The following LAMP5 variants were observed in gnomAD, a reference collection of about 807,000 sequenced individuals.
LAMP5 encodes lysosome associated membrane protein 5, also known as lysosome-associated membrane glycoprotein 5.
A neutral mutation model predicts 30.2 loss-of-function variants in LAMP5; 36 were observed. That is an observed-to-expected ratio of 1.19 (90% CI 0.91 to 1.57). The LOEUF (loss-of-function observed/expected upper bound fraction) is 1.57. Ranked by LOEUF, LAMP5 falls within the 40% of genes most tolerant of loss-of-function variation. LAMP5 has a pLI of 0.00. For synonymous variants in LAMP5, 149 were observed against 134.6 expected (o/e 1.11, Z -0.74); for missense variants, 377 against 354.9 (o/e 1.06, Z -0.50).
chr20:9,515,897 G>A, intron 2 of LAMP5, 103 bp from the exon 3 acceptor site: 2 of 1,325,968 alleles, frequency 1.5e-6, no homozygotes, highest in African/African-American at 1.5e-5. Flanking sequence ...CGCGCGCAAA[G>A]GAGCGCCCAA....
intron 5 of LAMP5, among the ~76,000 whole-genome samples, chr20:9,523,441 A>G (rs1328296494): frequency 2.0e-5 from 3 of 152,140 alleles, no homozygotes; most frequent in Non-Finnish European, 4.4e-5. Context: ...TATCTCAGGG[A>G]GTCAATATAA....
intron 5 of LAMP5, among the ~76,000 whole-genome samples, chr20:9,519,171 C>T (rs2045063245): frequency 6.6e-6 from 1 of 152,186 alleles, no homozygotes; most frequent in South Asian, 2.1e-4. Flanking sequence ...CTCTCTCCCT[C>T]ACAAAGGAGG....
intron 5 of LAMP5, among the ~76,000 whole-genome samples, chr20:9,525,212 C>CT (rs1195076345): frequency 6.6e-6 from 1 of 152,064 alleles, no homozygotes; most frequent in African/African-American, 2.4e-5. Flanking sequence ...GTGAGACATT[C>CT]TTTTTTATTA....
At chr20:9,526,860 GTATATATATATATATATA>G (rs201564418) in intron 5 of LAMP5, among the ~76,000 whole-genome samples, 1,263 of 80,242 alleles carry the variant, frequency 0.016, 33 homozygotes, top group African/African-American at 0.052. Flanking sequence ...GTGTGTGTGT[GTATATATATATATATATA>G]TATATATATA....
intron 1 of LAMP5, 92 bp from the exon 2 acceptor site, chr20:9,515,361 C>T: frequency 1.6e-6 from 2 of 1,268,860 alleles, no homozygotes; most frequent in East Asian, 2.4e-5. Flanking sequence ...CTTTGTCACT[C>T]CAAAGCCTGC....
chr20:9,517,978 C>A, intron 4 of LAMP5, 62 bp from the exon 5 acceptor site: 1 of 1,371,342 alleles, frequency 7.3e-7, no homozygotes, highest in Non-Finnish European at 1.0e-6. Flanking sequence ...ATAGCCAGCT[C>A]TCTGGCACAT....
At chr20:9,526,522 A>T (rs1029706236) in intron 5 of LAMP5, among the ~76,000 whole-genome samples, 1 of 152,190 alleles carries the variant, frequency 6.6e-6, no homozygotes, top group South Asian at 2.1e-4. Context: ...GAAGACCGCC[A>T]TGCTGGCATC....
intron 5 of LAMP5, among the ~76,000 whole-genome samples, chr20:9,523,299 G>T (rs531615881): frequency 6.6e-6 from 1 of 152,226 alleles, no homozygotes; most frequent in South Asian, 2.1e-4. Flanking sequence ...CCAGCAGAAA[G>T]CTTGCCCACC....
At chr20:9,529,580 TAGAA>T in intron 5 of LAMP5, 58 bp from the exon 6 acceptor site, 9 of 1,506,536 alleles carry the variant, frequency 6.0e-6, no homozygotes, top group African/African-American at 4.2e-5. Flanking sequence ...TTTTGTTTTG[TAGAA>T]CTTATGATTC....
intron 5 of LAMP5, among the ~76,000 whole-genome samples, chr20:9,519,391 T>A (rs1350924535): frequency 1.3e-5 from 2 of 152,168 alleles, no homozygotes; most frequent in Admixed American, 1.3e-4. Context: ...ACTCAACCTA[T>A]TCCAGAATAG....
At chr20:9,528,115 T>C (rs1450917274) in intron 5 of LAMP5, among the ~76,000 whole-genome samples, 1 of 152,182 alleles carries the variant, frequency 6.6e-6, no homozygotes, top group Non-Finnish European at 1.5e-5. Flanking sequence ...TTGAATACTA[T>C]TTGGCCATTG....
chr20:9,519,661 T>G (rs977905983), intron 5 of LAMP5, among the ~76,000 whole-genome samples: 2 of 152,262 alleles, frequency 1.3e-5, no homozygotes, highest in African/African-American at 4.8e-5. Context: ...TGACTTCTTA[T>G]GATTATTGAT....
chr20:9,528,783 G>A (rs1333452353), intron 5 of LAMP5, among the ~76,000 whole-genome samples: 2 of 152,110 alleles, frequency 1.3e-5, no homozygotes, highest in East Asian at 3.9e-4. Flanking sequence ...AGCACATTCT[G>A]ACTTCTATCA....
At chr20:9,515,691 A>G (rs1025978126) in intron 2 of LAMP5, 66 bp downstream of exon 2, 6 of 1,549,514 alleles carry the variant, frequency 3.9e-6, no homozygotes, top group Non-Finnish European at 5.3e-6. Flanking sequence ...CCCTTCCTCA[A>G]GGCTCTTCGA....
At position 9,529,887 on chromosome 20, in the gene LAMP5, TTTTCCATC is replaced by T. The variant is rs1411541474; in HGVS notation, c.*70_*77del. On this transcript the variant is annotated 3_prime_UTR_variant, in exon 6 of 6. Transcript: ENST00000246070. Reference sequence around the variant, plus strand: ...GGATCAGGTAGAACAACAAAAGCACTTTTCCATCTTGTACACGAGATACACCAACATAG... The same window carrying T: ...GGATCAGGTAGAACAACAAAAGCACTTTGTACACGAGATACACCAACATAG... The T allele has an allele frequency of 1.5e-5, 23 of 1,499,224 alleles. No individual in the cohort carries two copies. In the African/African-American group the frequency reaches 2.8e-4, roughly 18 times the overall value. 92.9% of individuals were successfully genotyped at this position (1,499,224 alleles called of 1,614,324 possible). A position where few individuals can be genotyped will look rare whatever the true frequency, so the allele number is the denominator to read the frequency against.
chr20:9,519,293 TGCC>T (rs1568943712), intron 5 of LAMP5, among the ~76,000 whole-genome samples: 1 of 152,232 alleles, frequency 6.6e-6, no homozygotes, highest in Non-Finnish European at 1.5e-5. Context: ...AATACAACAA[TGCC>T]AATGTTCAGG....
rs750365173 is a variant in LAMP5 at position 9,518,037 on chromosome 20, T to C, written c.476-3T>C. On this transcript the variant is annotated splice_region_variant and splice_polypyrimidine_tract_variant and intron_variant, in intron 4 of 5. Transcript: ENST00000246070. ...TAACTATTGCTCTGGGCTCTTGCTG[T>C]AGCTGGGAAGCACACAGCCAACTCG... 2.0e-6 allele frequency: 3 copies of C among 1,526,776 alleles called. No homozygotes were observed. Among genetic ancestry groups the C allele is most frequent in the East Asian group, 2.3e-5 (1 of 44,216 alleles). 94.6% of individuals were successfully genotyped at this position (1,526,776 alleles called of 1,614,324 possible).
At chr20:9,518,629 A>G (rs1488978593) in intron 5 of LAMP5, among the ~76,000 whole-genome samples, 1 of 152,250 alleles carries the variant, frequency 6.6e-6, no homozygotes, top group Non-Finnish European at 1.5e-5. Context: ...AAAAAACTGT[A>G]ATTTTGATGC....
chr20:9,515,644 C>G lies in LAMP5; in HGVS notation c.237+19C>G, dbSNP rs186414732. The G allele has an allele frequency of 1.7e-5, 28 of 1,612,014 alleles. No homozygotes were observed. Among genetic ancestry groups the G allele is most frequent in the Middle Eastern group, 3.3e-4 (2 of 6,042 alleles). On this transcript the variant is annotated intron_variant, in intron 2 of 5. Transcript: ENST00000246070. ...CGTAGATGTAAGGAATCTTTCCCCC[C>G]CCTCAGCTTGCTCCTAGGGCTCCAG...
Sources: gnomAD v4.1 joint callset for allele counts (sites outside exome capture counted in the v4.1 genomes callset) on GRCh38, gnomAD v4.1.1 for gene constraint, MANE v1.5 for transcripts, NCBI Gene and HGNC (gene_info 2026-07-23, HGNC 2026-07-21) for gene names.